FIRRM: variants seen among roughly 807,000 people sequenced by gnomAD.
FIRRM encodes the protein FIGNL1-interacting regulator of recombination and mitosis.
At chr1:169,821,954 A>G in the FIRRM span, among the ~76,000 whole-genome samples, 4 of 152,178 alleles carry the variant, frequency 2.6e-5, no homozygotes, top group South Asian at 8.3e-4. Flanking sequence ...ACTATGTCTT[A>G]GAAAGTAAAA....
At chr1:169,791,435 T>G in the FIRRM span, among the ~76,000 whole-genome samples, 2 of 152,202 alleles carry the variant, frequency 1.3e-5, no homozygotes, top group Non-Finnish European at 2.9e-5. Flanking sequence ...GAAATATTTG[T>G]GATGAAAATA....
the FIRRM span, among the ~76,000 whole-genome samples, chr1:169,798,353 T>C: frequency 2.6e-5 from 4 of 151,804 alleles, no homozygotes; most frequent in Non-Finnish European, 4.4e-5. Flanking sequence ...CTGCAACCTC[T>C]GCCTCCCAGT....
the FIRRM span, chr1:169,830,248 T>G: frequency 6.3e-7 from 1 of 1,599,862 alleles, no homozygotes; most frequent in Non-Finnish European, 8.5e-7. Context: ...AATTTTTCTG[T>G]TTTTGATTAG....
At chr1:169,821,580 T>G in the FIRRM span, 2 of 844,748 alleles carry the variant, frequency 2.4e-6, no homozygotes, top group Non-Finnish European at 1.7e-6. Flanking sequence ...GGGTTTTTTT[T>G]GTTTTTGTTT....
At chr1:169,845,553 C>T in the FIRRM span, among the ~76,000 whole-genome samples, 2 of 152,196 alleles carry the variant, frequency 1.3e-5, no homozygotes, top group African/African-American at 4.8e-5. Context: ...CCTGCTAGTG[C>T]TTTAATAACT....
the FIRRM span, chr1:169,853,987 C>T: frequency 4.8e-6 from 3 of 621,988 alleles, no homozygotes; most frequent in African/African-American, 1.9e-5. Flanking sequence ...ACCATAAAAT[C>T]CAGTAAAAAT....
the FIRRM span, chr1:169,851,960 C>T: frequency 6.2e-7 from 1 of 1,613,794 alleles, no homozygotes; most frequent in Admixed American, 1.7e-5. Flanking sequence ...TCAATAGGGG[C>T]CAAACTTTAA....
chr1:169,831,218 G>A, the FIRRM span, among the ~76,000 whole-genome samples: 1 of 152,096 alleles, frequency 6.6e-6, no homozygotes, highest in Admixed American at 6.6e-5. Context: ...CATGTTTTAT[G>A]AATGGGTACA....
the FIRRM span, among the ~76,000 whole-genome samples, chr1:169,833,098 T>C: frequency 6.6e-6 from 1 of 152,302 alleles, no homozygotes; most frequent in Admixed American, 6.5e-5. Flanking sequence ...TGATATGAAA[T>C]GGTTCTATAT....
chr1:169,853,706 T>C, the FIRRM span: 1 of 1,613,384 alleles, frequency 6.2e-7, no homozygotes, highest in Non-Finnish European at 8.5e-7. Flanking sequence ...TTAACTCACA[T>C]CTATTGTCAC....
At chr1:169,847,686 G>A in the FIRRM span, 2 of 1,600,508 alleles carry the variant, frequency 1.2e-6, no homozygotes, top group African/African-American at 2.7e-5. Flanking sequence ...CTTCACCTCT[G>A]TAGGCAGTAA....
chr1:169,823,264 G>T, the FIRRM span: 1 of 426,018 alleles, frequency 2.3e-6, no homozygotes, highest in South Asian at 4.4e-5. Context: ...AAAAAAAAAA[G>T]AAAAGAAAAG....
chr1:169,832,387 C>A, the FIRRM span: 1 of 1,461,518 alleles, frequency 6.8e-7, no homozygotes, highest in Non-Finnish European at 9.6e-7. Flanking sequence ...ATTAGTCAGT[C>A]TCTCCTCTCT....
the FIRRM span, among the ~76,000 whole-genome samples, chr1:169,828,775 G>T: frequency 6.6e-6 from 1 of 152,002 alleles, no homozygotes; most frequent in Non-Finnish European, 1.5e-5. Context: ...CCAACTCCTG[G>T]GCTCAAGTGA....
At chr1:169,852,023 C>T in the FIRRM span, 2 of 1,572,536 alleles carry the variant, frequency 1.3e-6, no homozygotes, top group Non-Finnish European at 1.7e-6. Context: ...AGTGTGGTTT[C>T]CAGCCTTATG....
At chr1:169,840,875 A>G in the FIRRM span, among the ~76,000 whole-genome samples, 1 of 152,126 alleles carries the variant, frequency 6.6e-6, no homozygotes, top group Non-Finnish European at 1.5e-5. Context: ...TGATTTTTGT[A>G]CATTGATTTT....
At chr1:169,847,349 T>C in the FIRRM span, among the ~76,000 whole-genome samples, 1 of 143,416 alleles carries the variant, frequency 7.0e-6, no homozygotes, top group Non-Finnish European at 1.5e-5. Context: ...AAGCAGTATC[T>C]TCAAATTGCA....
At chr1:169,807,968 T>TA in the FIRRM span, 1 of 1,579,226 alleles carries the variant, frequency 6.3e-7, no homozygotes. Context: ...CAGCAACTCT[T>TA]ATTTTCTTTG....
At chr1:169,852,663 T>A in the FIRRM span, 8 of 940,680 alleles carry the variant, frequency 8.5e-6, no homozygotes, top group African/African-American at 1.7e-5. Context: ...GGTTTTGGGG[T>A]GCATCCTCCT....
Sources: allele counts gnomAD v4.1 joint callset (sites outside exome capture counted in the v4.1 genomes callset), GRCh38; gene constraint gnomAD v4.1.1; transcripts MANE v1.5; gene names NCBI Gene and HGNC (gene_info 2026-07-23, HGNC 2026-07-21).